DCUN1D4: variants seen among roughly 807,000 people sequenced by gnomAD.
DCUN1D4 encodes the protein defective in cullin neddylation 1 domain containing 4.
In DCUN1D4, 22 loss-of-function variants were observed where a neutral mutation model predicts 47.9. The observed-to-expected ratio is 0.46, with a 90% CI of 0.33 to 0.66. The LOEUF (loss-of-function observed/expected upper bound fraction) is 0.66, where lower values mean the gene tolerates loss of function less well. Ranked by LOEUF, DCUN1D4 falls within the 30% of genes least tolerant of loss-of-function variation. DCUN1D4 has a pLI of 0.02. For missense variants in DCUN1D4, 301 were observed against 340.8 expected (o/e 0.88, Z 0.92); for synonymous variants, 121 against 112.2 (o/e 1.08, Z -0.50).
intron 5 of DCUN1D4, among the ~76,000 whole-genome samples, chr4:51,884,015 A>G (rs577175627): frequency 3.3e-5 from 5 of 149,466 alleles, no homozygotes; most frequent in Admixed American, 1.3e-4. Context: ...TTATATTTTT[A>G]AATTTATGTT....
chr4:51,882,708 A>G (rs1481770537), intron 5 of DCUN1D4, among the ~76,000 whole-genome samples: 4 of 152,182 alleles, frequency 2.6e-5, no homozygotes, highest in African/African-American at 9.7e-5. Context: ...CAGAGCTTGC[A>G]GTGAGCCGAG....
At chr4:51,844,525 G>C (rs1722190060) in intron 1 of DCUN1D4, 1 of 437,692 alleles carries the variant, frequency 2.3e-6, no homozygotes, top group Non-Finnish European at 3.0e-6. Flanking sequence ...TTGGCGCCGG[G>C]GAGGTGTCGG....
At chr4:51,867,666 T>C (rs1175417504) in intron 3 of DCUN1D4, among the ~76,000 whole-genome samples, 1 of 152,160 alleles carries the variant, frequency 6.6e-6, no homozygotes. Flanking sequence ...CTGAGGTTTT[T>C]AATGGGTTTC....
At chr4:51,895,199 GT>G (rs1731050796) in intron 7 of DCUN1D4, among the ~76,000 whole-genome samples, 1 of 147,880 alleles carries the variant, frequency 6.8e-6, no homozygotes, top group African/African-American at 2.5e-5. Context: ...TTAAAATGCT[GT>G]TAAAAAAAAA....
intron 7 of DCUN1D4, among the ~76,000 whole-genome samples, chr4:51,893,350 T>C (rs1369766040): frequency 3.3e-5 from 5 of 152,346 alleles, no homozygotes; most frequent in African/African-American, 1.2e-4. Context: ...CATCTCCTTA[T>C]GATTTTAATC....
intron 8 of DCUN1D4, among the ~76,000 whole-genome samples, chr4:51,908,687 A>C (rs1733267355): frequency 6.6e-6 from 1 of 151,846 alleles, no homozygotes; most frequent in Non-Finnish European, 1.5e-5. Context: ...TTTGCAGAGA[A>C]TGTCATTAGG....
At chr4:51,903,043 A>G (rs1309088445) in intron 8 of DCUN1D4, among the ~76,000 whole-genome samples, 1 of 152,140 alleles carries the variant, frequency 6.6e-6, no homozygotes, top group Non-Finnish European at 1.5e-5. Flanking sequence ...AAATGTCGCA[A>G]TATGCTACTA....
chr4:51,892,869 AATAG>A (rs1560503046), intron 7 of DCUN1D4, among the ~76,000 whole-genome samples: 1 of 152,232 alleles, frequency 6.6e-6, no homozygotes, highest in African/African-American at 2.4e-5. Flanking sequence ...CTTTAGGAAT[AATAG>A]ATCTTGATTT....
At chr4:51,870,157 A>ATCCC in intron 3 of DCUN1D4, among the ~76,000 whole-genome samples, 1 of 152,212 alleles carries the variant, frequency 6.6e-6, no homozygotes, top group African/African-American at 2.4e-5. Flanking sequence ...GAAGCAGATA[A>ATCCC]ATATTCCGTA....
chr4:51,844,843 C>G (rs1162090326), intron 1 of DCUN1D4: 7 of 985,134 alleles, frequency 7.1e-6, no homozygotes, highest in Non-Finnish European at 7.2e-6. Context: ...ACTGTGGAAA[C>G]GGGTCCCGGC....
intron 7 of DCUN1D4, among the ~76,000 whole-genome samples, chr4:51,896,569 A>T (rs759103244): frequency 2.0e-5 from 3 of 151,958 alleles, no homozygotes; most frequent in Non-Finnish European, 4.4e-5. Flanking sequence ...ATTATTATTA[A>T]TATTATATTA....
intron 7 of DCUN1D4, 54 bp downstream of exon 7, chr4:51,891,905 C>T: frequency 7.3e-7 from 1 of 1,377,612 alleles, no homozygotes; most frequent in Non-Finnish European, 1.0e-6. Context: ...GTGGTTGCCT[C>T]CTTCCTCCCT....
chr4:51,873,654 G>A (rs1172653739), intron 3 of DCUN1D4, among the ~76,000 whole-genome samples: 1 of 152,154 alleles, frequency 6.6e-6, no homozygotes, highest in East Asian at 1.9e-4. Context: ...ATTACATTTT[G>A]GTATCAGACA....
intron 1 of DCUN1D4, among the ~76,000 whole-genome samples, chr4:51,845,663 A>AATATATAAGGTATTATGTATATTT (rs1722428131): frequency 6.6e-6 from 1 of 152,202 alleles, no homozygotes; most frequent in African/African-American, 2.4e-5. Flanking sequence ...AGATTTTTGT[A>AATATATAAGGTATTATGTATATTT]TGTAATATAT....
At chr4:51,849,617 T>C (rs75763793) in intron 1 of DCUN1D4, among the ~76,000 whole-genome samples, 4 of 152,212 alleles carry the variant, frequency 2.6e-5, no homozygotes, top group African/African-American at 9.6e-5. Flanking sequence ...ACAGTCGATA[T>C]CAGCTGTGGG....
chr4:51,887,098 A>G (rs1046017506), intron 6 of DCUN1D4: 6 of 452,670 alleles, frequency 1.3e-5, no homozygotes, highest in Admixed American at 1.2e-4. Flanking sequence ...TTTAGCTCAG[A>G]AGTGATTGCT....
chr4:51,901,492 C>T (rs1409325613), intron 8 of DCUN1D4, among the ~76,000 whole-genome samples: 1 of 152,202 alleles, frequency 6.6e-6, no homozygotes, highest in Non-Finnish European at 1.5e-5. Flanking sequence ...TGCTCACTGG[C>T]CCTGCTTCCT....
At chr4:51,897,974 A>G (rs1731523864) in intron 7 of DCUN1D4, among the ~76,000 whole-genome samples, 1 of 152,252 alleles carries the variant, frequency 6.6e-6, no homozygotes, top group Non-Finnish European at 1.5e-5. Flanking sequence ...TGATAGGATT[A>G]GAAAATCACC....
intron 8 of DCUN1D4, among the ~76,000 whole-genome samples, chr4:51,910,426 C>T (rs1045471648): frequency 2.6e-5 from 4 of 152,020 alleles, no homozygotes; most frequent in Admixed American, 6.6e-5. Context: ...AGGAAATTTA[C>T]GTCTAAGAAA....
Sources: allele counts gnomAD v4.1 joint callset (sites outside exome capture counted in the v4.1 genomes callset), GRCh38; gene constraint gnomAD v4.1.1; transcripts MANE v1.5; gene names NCBI Gene and HGNC (gene_info 2026-07-23, HGNC 2026-07-21).